STAU2: variants seen among roughly 807,000 people sequenced by gnomAD.
The protein encoded by STAU2 is double-stranded RNA-binding protein Staufen homolog 2.
Under a neutral mutation model 65.9 loss-of-function variants are expected in STAU2, and 20 were observed. The ratio of observed to expected loss-of-function variants is 0.30; its 90% CI spans 0.21 to 0.44. The LOEUF (loss-of-function observed/expected upper bound fraction) is 0.44. STAU2 is among the 20% of genes least tolerant of loss of function. The probability of loss-of-function intolerance (pLI) is 1.00; values close to 1 mark genes in which losing one functional copy is unlikely to be tolerated. For missense variants in STAU2, 558 were observed against 683.9 expected, an observed-to-expected ratio of 0.82 and a Z score of 2.05; for synonymous variants, 232 against 233.9, an observed-to-expected ratio of 0.99 and a Z score of 0.07.
intron 13 of STAU2, among the ~76,000 whole-genome samples, chr8:73,467,476 G>C (rs1256392984): frequency 1.3e-5 from 2 of 152,150 alleles, no homozygotes; most frequent in Non-Finnish European, 2.9e-5. Flanking sequence ...AGCTTGCAGT[G>C]AGCCGAGATC....
chr8:73,611,842 C>T (rs1447946665), intron 9 of STAU2, among the ~76,000 whole-genome samples: 2 of 151,972 alleles, frequency 1.3e-5, no homozygotes, highest in African/African-American at 2.4e-5. Flanking sequence ...CCACCACAAC[C>T]GACTAATTTT....
At chr8:73,617,856 G>A (rs1447312604) in intron 6 of STAU2, among the ~76,000 whole-genome samples, 1 of 151,798 alleles carries the variant, frequency 6.6e-6, no homozygotes, top group African/African-American at 2.4e-5. Context: ...AGATAATTAC[G>A]ATTAGAAATA....
rs1327033993 is a variant in STAU2, at chr8:73,559,406, G to A, written c.1223-7087C>T. On this transcript the variant is annotated intron_variant, in intron 12 of 14. Coordinates refer to ENST00000524300, the MANE Select transcript of STAU2 (RefSeq NM_001164380.2). ...TATAGCTCTGAGGATAAGCAGGGCTGGCACTGGCAATGCCTGCTCCTTGAC... is the reference window on the plus strand; with the variant it reads ...TATAGCTCTGAGGATAAGCAGGGCTAGCACTGGCAATGCCTGCTCCTTGAC... Among the ~76,000 whole-genome samples, 5 of 152,220 alleles carry A rather than the reference G, an allele frequency of 3.3e-5. No homozygotes were observed. In the East Asian group the frequency reaches 9.6e-4, roughly 29 times the overall value.
At chr8:73,718,012 C>A (rs899404786) in intron 3 of STAU2, among the ~76,000 whole-genome samples, 2 of 152,282 alleles carry the variant, frequency 1.3e-5, no homozygotes, top group East Asian at 1.9e-4. Context: ...AAAGGATACA[C>A]AGTCACTTCT....
At chr8:73,422,791 T>TGAAAATGAGTC in intron 13 of STAU2, 89 bp from the exon 14 acceptor site, 1 of 570,942 alleles carries the variant, frequency 1.8e-6, no homozygotes, top group Non-Finnish European at 2.5e-6. Flanking sequence ...GAAAGACTCA[T>TGAAAATGAGTC]TTTCATTAGT....
At chr8:73,490,037 T>C (rs916362414) in intron 13 of STAU2, among the ~76,000 whole-genome samples, 11 of 152,054 alleles carry the variant, frequency 7.2e-5, no homozygotes, top group Admixed American at 5.9e-4. Flanking sequence ...ACAACCTTTG[T>C]TAATTTGCTA....
At chr8:73,701,653 A>G (rs1367805544) in intron 4 of STAU2, among the ~76,000 whole-genome samples, 2 of 152,156 alleles carry the variant, frequency 1.3e-5, no homozygotes, top group South Asian at 2.1e-4. Flanking sequence ...TAGTACAACC[A>G]CTATGGAGAA....
chr8:73,483,798 T>C (rs1015587022), intron 13 of STAU2, among the ~76,000 whole-genome samples: 6 of 152,124 alleles, frequency 3.9e-5, no homozygotes, highest in African/African-American at 7.2e-5. Flanking sequence ...GGAGGTGTGA[T>C]TGATACGCAG....
intron 13 of STAU2, among the ~76,000 whole-genome samples, chr8:73,461,430 A>G (rs959996986): frequency 1.4e-4 from 21 of 152,174 alleles, no homozygotes; most frequent in African/African-American, 4.8e-4. Context: ...AATACAGGAA[A>G]TGATACCTGA....
intron 13 of STAU2, among the ~76,000 whole-genome samples, chr8:73,515,773 CTTTTTT>C (rs75132374): frequency 0.023 from 2,102 of 90,902 alleles, 56 homozygotes; most frequent in African/African-American, 0.086. Flanking sequence ...AAAAATTTCT[CTTTTTT>C]TTTTTTTTTT....
chr8:73,575,842 C>T (rs1809504926), intron 12 of STAU2, among the ~76,000 whole-genome samples: 1 of 151,842 alleles, frequency 6.6e-6, no homozygotes, highest in Non-Finnish European at 1.5e-5. Context: ...AAGTTACCTG[C>T]TTGAAGGTCA....
intron 13 of STAU2, among the ~76,000 whole-genome samples, chr8:73,479,078 T>A (rs1563616291): frequency 6.6e-6 from 1 of 152,080 alleles, no homozygotes. Flanking sequence ...TTCTGTTTCA[T>A]CTATACCTTC....
intron 11 of STAU2, among the ~76,000 whole-genome samples, chr8:73,588,952 C>T (rs1161385528): frequency 6.6e-6 from 1 of 152,028 alleles, no homozygotes; most frequent in Non-Finnish European, 1.5e-5. Flanking sequence ...CTATGACACC[C>T]ACCACAATCC....
chr8:73,607,271 T>C (rs572263357), intron 9 of STAU2, among the ~76,000 whole-genome samples: 10 of 152,248 alleles, frequency 6.6e-5, no homozygotes, highest in South Asian at 4.1e-4. Flanking sequence ...CTAGGGAAGG[T>C]TGCATGAGGA....
Position 73,626,485 on chromosome 8 carries a change from A to T in STAU2, c.411-9034T>A, listed in dbSNP as rs547948806. On this transcript the variant is annotated intron_variant, in intron 6 of 14. Transcript: ENST00000524300. ...CAGGAAAGTGGCACAATCTGACATG[A>T]TTTAAAAGGATCTTGTTGCTATTTA... 2.0e-5 allele frequency among the ~76,000 whole-genome samples: 3 copies of T among 152,314 alleles called. 1 individual carries two copies. The highest frequency in any genetic ancestry group is 1.3e-4 in the Admixed American group (2 of 15,298).
In STAU2 at chr8:73,709,136, G is replaced by T; in HGVS notation, c.10C>A (p.Pro4Thr). MANPKEKTAMCLVN... is the reference protein window; with the variant it reads MANTKEKTAMCLVN... ...AGACACATTGCAGTTTTCTCTTTTGGGTTTGCCATTTTATCTTGGAGAGAA... is the reference window on the plus strand; with the variant it reads ...AGACACATTGCAGTTTTCTCTTTTGTGTTTGCCATTTTATCTTGGAGAGAA... The change falls in exon 4 of 15, where the codon CCA becomes ACA. Residue 4 changes from proline to threonine, a missense_variant. Coordinates refer to ENST00000524300, the MANE Select transcript of STAU2 (RefSeq NM_001164380.2). The T allele has an allele frequency of 6.5e-7, 1 of 1,527,258 alleles. No homozygotes were observed. The highest frequency in any genetic ancestry group is 8.8e-7 in the Non-Finnish European group (1 of 1,141,640). 94.6% of individuals were successfully genotyped at this position (1,527,258 alleles called of 1,614,324 possible).
intron 6 of STAU2, among the ~76,000 whole-genome samples, chr8:73,641,274 G>T (rs1247894895): frequency 6.6e-6 from 1 of 152,000 alleles, no homozygotes; most frequent in Non-Finnish European, 1.5e-5. Flanking sequence ...TGGGAGGATG[G>T]CTTGACCCCA....
rs1286364543 is a variant in STAU2 at position 73,420,656 on chromosome 8, T to C, written c.*716A>G. 6.1e-6 allele frequency: 1 copy of C among 164,642 alleles called. No homozygotes were observed. The highest frequency in any genetic ancestry group is 1.3e-5 in the Non-Finnish European group (1 of 74,712). 10.2% of individuals were successfully genotyped at this position (164,642 alleles called of 1,614,324 possible). ...GATATATAGGGGCAAGACGCCCCCTTACTTGCTAAGAGTATATGGAGCTCA... is the reference window on the plus strand; with the variant it reads ...GATATATAGGGGCAAGACGCCCCCTCACTTGCTAAGAGTATATGGAGCTCA... On this transcript the variant is annotated 3_prime_UTR_variant, in exon 15 of 15. Coordinates refer to ENST00000524300, the MANE Select transcript of STAU2 (RefSeq NM_001164380.2).
At chr8:73,711,131 CAAAAAAAAAAAA>C (rs751087630) in intron 3 of STAU2, among the ~76,000 whole-genome samples, 3 of 31,104 alleles carry the variant, frequency 9.6e-5, no homozygotes, top group African/African-American at 1.9e-4. Context: ...AAGTGGCTTG[CAAAAAAAAAAAA>C]AAAAAAAAAA....
Sources: gnomAD v4.1 joint callset for allele counts (sites outside exome capture counted in the v4.1 genomes callset) on GRCh38, gnomAD v4.1.1 for gene constraint, MANE v1.5 for transcripts, NCBI Gene and HGNC (gene_info 2026-07-23, HGNC 2026-07-21) for gene names.